SCMH1: variants seen among roughly 807,000 people sequenced by gnomAD.
The protein encoded by SCMH1 is polycomb protein SCMH1.
Under a neutral mutation model 70.8 loss-of-function variants are expected in SCMH1, and 37 were observed. The ratio of observed to expected loss-of-function variants is 0.52; its 90% CI spans 0.40 to 0.69. The LOEUF (loss-of-function observed/expected upper bound fraction) is 0.69. Among genes scored for constraint, SCMH1 ranks in the 30% least tolerant of loss-of-function variants. SCMH1 has a pLI of 0.00. For synonymous variants in SCMH1, 292 were observed against 307.4 expected (o/e 0.95, Z 0.52); for missense variants, 607 against 827.3 (o/e 0.73, Z 3.27).
intron 1 of SCMH1, among the ~76,000 whole-genome samples, chr1:41,192,088 T>C (rs1162772816): frequency 1.3e-5 from 2 of 152,212 alleles, no homozygotes; most frequent in Non-Finnish European, 2.9e-5. Context: ...TAATGTATCT[T>C]ACTGTATGAC....
intron 8 of SCMH1, among the ~76,000 whole-genome samples, chr1:41,095,170 A>G (rs1363560510): frequency 2.0e-5 from 3 of 152,210 alleles, no homozygotes; most frequent in Admixed American, 6.5e-5. Flanking sequence ...TGCTTTACAC[A>G]TGGTGGGTGC....
chr1:41,188,796 A>G (rs544159266), intron 1 of SCMH1, among the ~76,000 whole-genome samples: 1 of 152,340 alleles, frequency 6.6e-6, no homozygotes, highest in Admixed American at 6.5e-5. Context: ...AATAAGTCAA[A>G]TTATTAATAT....
chr1:41,130,018 C>T (rs1034146805), intron 6 of SCMH1, among the ~76,000 whole-genome samples: 1 of 152,046 alleles, frequency 6.6e-6, no homozygotes, highest in African/African-American at 2.4e-5. Context: ...TTCCTAATAC[C>T]CATCCTAATG....
chr1:41,233,683 AT>A (rs2148915462), intron 1 of SCMH1, among the ~76,000 whole-genome samples: 1 of 152,346 alleles, frequency 6.6e-6, no homozygotes, highest in East Asian at 1.9e-4. Context: ...TTTTAAAAAA[AT>A]ATCCAATGAT....
rs562382750 is a variant in SCMH1 at position 41,096,779 on chromosome 1, T to C, written c.745+16504A>G. Among the ~76,000 whole-genome samples, 292 of 152,110 alleles carry C rather than the reference T, an allele frequency of 1.9e-3. 1 individual carries two copies. Among genetic ancestry groups the C allele is most frequent in the Non-Finnish European group, 2.9e-3 (194 of 68,004 alleles). The stretch of plus-strand genomic sequence containing the variant: ...GTGCAGACAGGCTAGTATCTTTTTC[T>C]TTCTCCTTTCCCTACCTTTTTTCTC... On this transcript the variant is annotated intron_variant, in intron 8 of 14. Transcript: ENST00000337495.
At chr1:41,142,194 A>G (rs1644154389) in intron 6 of SCMH1, among the ~76,000 whole-genome samples, 1 of 152,132 alleles carries the variant, frequency 6.6e-6, no homozygotes, top group African/African-American at 2.4e-5. Context: ...ATGCTCTCTA[A>G]TTCTCAATTT....
chr1:41,095,521 T>C (rs1236206866), intron 8 of SCMH1, among the ~76,000 whole-genome samples: 1 of 152,232 alleles, frequency 6.6e-6, no homozygotes, highest in Non-Finnish European at 1.5e-5. Context: ...ACTGTAGTTA[T>C]GAATGTTGTA....
At chr1:41,159,780 TC>T (rs1557696023) in intron 4 of SCMH1, 4 of 1,500,014 alleles carry the variant, frequency 2.7e-6, no homozygotes, top group Non-Finnish European at 3.6e-6. Context: ...ATGCTTCACT[TC>T]AAAGAATGTC....
chr1:41,181,139 A>G (rs1010376728), intron 2 of SCMH1, among the ~76,000 whole-genome samples: 41 of 152,346 alleles, frequency 2.7e-4, no homozygotes, highest in African/African-American at 9.9e-4. Flanking sequence ...AAAACTGGCT[A>G]GCCATATGTA....
Position 41,070,526 on chromosome 1 carries a change from T to C in SCMH1, c.1105+69A>G, listed in dbSNP as rs548464699. ...AGTGGAAAGGTGCTAATTACTGGTG[T>C]AAGACAAAAGAAAGTGCAAACACTA... On this transcript the variant is annotated intron_variant, in intron 10 of 14. Coordinates refer to ENST00000337495, the Ensembl canonical transcript of SCMH1. The C allele has an allele frequency of 3.8e-6, 6 of 1,590,484 alleles. No individual in the cohort carries two copies. In the South Asian group the frequency reaches 6.8e-5, roughly 18 times the overall value.
chr1:41,034,107 A>G (rs1168517763), intron 13 of SCMH1, 59 bp from the exon 14 acceptor site: 7 of 1,558,906 alleles, frequency 4.5e-6, no homozygotes, highest in African/African-American at 1.4e-5. Context: ...AACATTCTGC[A>G]TATGAGGAAG....
intron 1 of SCMH1, among the ~76,000 whole-genome samples, chr1:41,195,021 C>T (rs1652663629): frequency 1.3e-5 from 2 of 150,964 alleles, no homozygotes; most frequent in Admixed American, 1.3e-4. Context: ...ATCCCACCTA[C>T]CGGGCAGGCT....
At chr1:41,042,913 GAA>G (rs760438207) in intron 12 of SCMH1, among the ~76,000 whole-genome samples, 1 of 149,446 alleles carries the variant, frequency 6.7e-6, no homozygotes. Context: ...GTGAAAGATA[GAA>G]AAAAAAAGGT....
chr1:41,120,842 T>C (rs1671744415), intron 6 of SCMH1, among the ~76,000 whole-genome samples: 1 of 152,190 alleles, frequency 6.6e-6, no homozygotes, highest in South Asian at 2.1e-4. Context: ...CCAGGACTTC[T>C]TATTTGGTTC....
intron 1 of SCMH1, among the ~76,000 whole-genome samples, chr1:41,224,124 T>TA (rs1440703784): frequency 6.6e-6 from 1 of 152,156 alleles, no homozygotes; most frequent in Non-Finnish European, 1.5e-5. Context: ...TCAGTCTACC[T>TA]AAAAAACGTC....
chr1:41,127,687 T>A, intron 6 of SCMH1, among the ~76,000 whole-genome samples: 1 of 152,094 alleles, frequency 6.6e-6, no homozygotes, highest in East Asian at 1.9e-4. Flanking sequence ...AGAGACAGGG[T>A]TGTTAGGAGA....
chr1:41,049,892 C>T (rs2064739), intron 10 of SCMH1, among the ~76,000 whole-genome samples: 20,620 of 151,556 alleles, frequency 0.14, 1,752 homozygotes, highest in Middle Eastern at 0.26. Flanking sequence ...AGTGAGACCA[C>T]ATCTCTACAG....
At chr1:41,199,472 G>T (rs1653789448) in intron 1 of SCMH1, among the ~76,000 whole-genome samples, 1 of 152,054 alleles carries the variant, frequency 6.6e-6, no homozygotes, top group African/African-American at 2.4e-5. Flanking sequence ...GCTCCTGGTA[G>T]GTGTTTTTAT....
intron 10 of SCMH1, among the ~76,000 whole-genome samples, chr1:41,049,402 G>A (rs1647216685): frequency 6.6e-6 from 1 of 151,444 alleles, no homozygotes; most frequent in Non-Finnish European, 1.5e-5. Context: ...GGGCCTTAGG[G>A]TCCCTTTGTT....
Sources: gnomAD v4.1 joint callset for allele counts (sites outside exome capture counted in the v4.1 genomes callset) on GRCh38, gnomAD v4.1.1 for gene constraint, MANE v1.5 for transcripts, NCBI Gene and HGNC (gene_info 2026-07-23, HGNC 2026-07-21) for gene names.